The following RPH3A variants were observed in gnomAD, a reference collection of about 807,000 sequenced individuals.
RPH3A encodes the protein rabphilin 3A.
RPH3A carries 48 observed loss-of-function variants against 102.2 expected under a neutral mutation model. The ratio of observed to expected loss-of-function variants is 0.47; its 90% CI spans 0.37 to 0.60. The LOEUF is 0.60. RPH3A is among the 20% of genes least tolerant of loss of function. The pLI, the probability that RPH3A is intolerant of heterozygous loss-of-function variation, is 0.00. For synonymous variants in RPH3A, 310 were observed against 324.3 expected (o/e 0.96, Z 0.47); for missense variants, 781 against 910.1 (o/e 0.86, Z 1.83).
rs11066370 is a variant in RPH3A, at chr12:112,648,390, T to C, written c.-140+73071T>C. 7.9e-5 allele frequency among the ~76,000 whole-genome samples: 12 copies of C among 151,084 alleles called. No individual in the cohort carries two copies. In the East Asian group the frequency reaches 2.3e-3, roughly 29 times the overall value. ...ATACACACTGTGCAAAATGTTTTTGTTTGCTTTCGACTTAGGGTTGTTTCT... is the reference window on the plus strand; with the variant it reads ...ATACACACTGTGCAAAATGTTTTTGCTTGCTTTCGACTTAGGGTTGTTTCT... On this transcript the variant is annotated intron_variant, in intron 1 of 21. Coordinates refer to the RPH3A transcript ENST00000543106.
At chr12:112,660,607 G>A (rs1474876285) in intron 1 of RPH3A, among the ~76,000 whole-genome samples, 2 of 152,158 alleles carry the variant, frequency 1.3e-5, no homozygotes, top group Non-Finnish European at 2.9e-5. Context: ...GTCACTTGAG[G>A]CCAGCAGTTT....
chr12:112,833,739 T>C (rs1206023290), intron 3 of RPH3A, among the ~76,000 whole-genome samples: 2 of 152,072 alleles, frequency 1.3e-5, no homozygotes, highest in Admixed American at 6.5e-5. Context: ...TGTTTTTTTT[T>C]TTTTTTTAAA....
intron 1 of RPH3A, among the ~76,000 whole-genome samples, chr12:112,707,520 C>T (rs1234923896): frequency 6.6e-6 from 1 of 152,194 alleles, no homozygotes; most frequent in African/African-American, 2.4e-5. Context: ...AGTCTGACTT[C>T]AAAGCCTGTA....
Position 112,876,753 on chromosome 12 carries a change from C to A in RPH3A, c.1058C>A (p.Ser353Tyr). 2 of 1,613,382 alleles carry A rather than the reference C, an allele frequency of 1.2e-6. No homozygotes were observed. Among genetic ancestry groups the A allele is most frequent in the South Asian group, 1.1e-5 (1 of 90,858 alleles). ...GAREDRMSHP[S>Y]GPYSQASAAA... is the part of the protein sequence containing the mutation. ...AGAGAGGACCGAATGAGCCACCCCT[C>A]CGGACCCTATTCCCAAGCATCTGCA... Residue 353 changes from serine to tyrosine, a missense_variant, in exon 13 of 22, where the codon TCC becomes TAC. Ser to Tyr is a moderately radical substitution (Grantham distance 144). Coordinates refer to ENST00000389385, the MANE Select transcript of RPH3A (RefSeq NM_001143854.2).
At chr12:112,660,532 T>C (rs961606864) in intron 1 of RPH3A, among the ~76,000 whole-genome samples, 5 of 152,062 alleles carry the variant, frequency 3.3e-5, no homozygotes, top group African/African-American at 1.2e-4. Context: ...ATAAAAACTA[T>C]TTTTTGGTTG....
chr12:112,765,042 G>A (rs1295593805), intron 1 of RPH3A, among the ~76,000 whole-genome samples: 1 of 152,184 alleles, frequency 6.6e-6, no homozygotes, highest in Non-Finnish European at 1.5e-5. Flanking sequence ...TGCTTGTAAA[G>A]AAATTTTTCA....
At chr12:112,880,180 A>G (rs539879613) in intron 14 of RPH3A, among the ~76,000 whole-genome samples, 33 of 152,308 alleles carry the variant, frequency 2.2e-4, no homozygotes, top group Non-Finnish European at 4.4e-4. Context: ...ATCAGCATTT[A>G]TTGGACATCT....
intron 1 of RPH3A, among the ~76,000 whole-genome samples, chr12:112,655,540 G>A (rs1220350516): frequency 6.8e-6 from 1 of 146,126 alleles, no homozygotes; most frequent in East Asian, 2.0e-4. Flanking sequence ...TCTGATTTGG[G>A]CCCATCTCGA....
At chr12:112,625,068 G>T (rs1347356406) in intron 1 of RPH3A, among the ~76,000 whole-genome samples, 1 of 108,662 alleles carries the variant, frequency 9.2e-6, no homozygotes, top group African/African-American at 3.9e-5. Context: ...AAAATAATAA[G>T]AGCTATCTAT....
chr12:112,804,695 C>T (rs527322905), intron 2 of RPH3A, among the ~76,000 whole-genome samples: 9 of 152,308 alleles, frequency 5.9e-5, no homozygotes, highest in Admixed American at 4.6e-4. Context: ...CACAGCCCCC[C>T]GTACTTCAGT....
chr12:112,581,825 C>G lies in RPH3A; in HGVS notation c.-140+6506C>G, dbSNP rs77291005. Among the ~76,000 whole-genome samples the G allele has an allele frequency of 2.2e-3, 327 of 148,540 alleles. 41 individuals are homozygous for G. The highest frequency in any genetic ancestry group is 7.2e-3 in the African/African-American group (291 of 40,166). On this transcript the variant is annotated intron_variant, in intron 1 of 21. Transcript: ENST00000543106. ...CTGAAGACACACGGGTTCAGTCCCA[C>G]TTTTGCTGCTCACCAGCTACGTGAC... is the stretch of plus-strand genomic sequence containing the variant.
At chr12:112,680,247 A>C (rs368323814) in intron 1 of RPH3A, among the ~76,000 whole-genome samples, 1 of 152,192 alleles carries the variant, frequency 6.6e-6, no homozygotes, top group Non-Finnish European at 1.5e-5. Context: ...ATGTGGTTGA[A>C]TAATATAACT....
intron 1 of RPH3A, among the ~76,000 whole-genome samples, chr12:112,675,177 G>GT (rs957334987): frequency 9.2e-5 from 14 of 152,022 alleles, no homozygotes; most frequent in Non-Finnish European, 1.3e-4. Flanking sequence ...AAAGGAAAGA[G>GT]TTTTTTTTGT....
chr12:112,621,778 G>T (rs1035432346), intron 1 of RPH3A, among the ~76,000 whole-genome samples: 15 of 151,972 alleles, frequency 9.9e-5, no homozygotes, highest in African/African-American at 2.7e-4. Flanking sequence ...CAAAAAGACA[G>T]CAGTAACCTC....
intron 2 of RPH3A, among the ~76,000 whole-genome samples, chr12:112,818,714 A>G (rs974662504): frequency 6.6e-5 from 10 of 152,304 alleles, no homozygotes; most frequent in Admixed American, 6.5e-5. Flanking sequence ...CACCTGGACC[A>G]CACAGATTGA....
chr12:112,787,465 T>A (rs1319899765), upstream of RPH3A, among the ~76,000 whole-genome samples: 1 of 152,180 alleles, frequency 6.6e-6, no homozygotes, highest in African/African-American at 2.4e-5. Context: ...GATTTCCTCA[T>A]CTTGAAAATG....
At chr12:112,675,523 C>T (rs2077958335) in intron 1 of RPH3A, among the ~76,000 whole-genome samples, 1 of 152,186 alleles carries the variant, frequency 6.6e-6, no homozygotes, top group South Asian at 2.1e-4. Context: ...AAATGACCTG[C>T]TCAAGGTCCT....
intron 2 of RPH3A, among the ~76,000 whole-genome samples, chr12:112,808,797 G>A (rs889410356): frequency 6.6e-6 from 1 of 152,156 alleles, no homozygotes; most frequent in Admixed American, 6.5e-5. Flanking sequence ...TGGGTCTGAG[G>A]AGCGGGTATG....
chr12:112,778,830 G>C (rs924948708), intron 1 of RPH3A, among the ~76,000 whole-genome samples: 2 of 152,200 alleles, frequency 1.3e-5, no homozygotes, highest in African/African-American at 4.8e-5. Flanking sequence ...TCATTGGCTT[G>C]CATTGAGCCA....
Sources: allele counts gnomAD v4.1 joint callset (sites outside exome capture counted in the v4.1 genomes callset), GRCh38; gene constraint gnomAD v4.1.1; transcripts MANE v1.5; gene names NCBI Gene and HGNC (gene_info 2026-07-23, HGNC 2026-07-21).